Variants in UNC93A observed in about 807,000 individuals in gnomAD.
UNC93A encodes the protein unc-93 homolog A, also known as N-acetylglucosamine transporter UNC93A.
A neutral mutation model predicts 47.5 loss-of-function variants in UNC93A; 43 were observed. The ratio of observed to expected loss-of-function variants is 0.91; its 90% CI spans 0.71 to 1.17. The LOEUF (loss-of-function observed/expected upper bound fraction) is 1.17, where lower values mean the gene tolerates loss of function less well. UNC93A is among the 50% of genes most tolerant of loss of function. UNC93A has a pLI of 0.00. For missense variants in UNC93A, 605 were observed against 577.6 expected, an observed-to-expected ratio of 1.05 and a Z score of -0.49; for synonymous variants, 280 against 258.0, an observed-to-expected ratio of 1.09 and a Z score of -0.82.
chr6:167,306,165 G>C, intron 6 of UNC93A, 115 bp downstream of exon 6: 2 of 1,381,610 alleles, frequency 1.4e-6, no homozygotes, highest in Non-Finnish European at 2.0e-6. Flanking sequence ...TTTGAAATCA[G>C]TAACGCCCTG....
In UNC93A at chr6:167,276,786, G is replaced by T. The variant is rs1210192004; in HGVS notation, c.-52+5328G>T. 2.0e-5 allele frequency among the ~76,000 whole-genome samples: 3 copies of T among 152,196 alleles called. No homozygotes were observed. The East Asian group carries it at 5.8e-4, about 29-fold the overall frequency. ...AGCAAAAAAAATGTATTTATGGGTA[G>T]CATTCTTTAGAATTTAGGAAACCCC... On this transcript the variant is annotated intron_variant, in intron 1 of 3. Coordinates refer to the UNC93A transcript ENST00000503433.
upstream of UNC93A, among the ~76,000 whole-genome samples, chr6:167,288,972 A>C (rs1479208429): frequency 1.3e-5 from 2 of 152,296 alleles, no homozygotes; most frequent in Non-Finnish European, 2.9e-5. Context: ...CTCTTTTCTC[A>C]AGCTGATAGA....
intron 4 of UNC93A, among the ~76,000 whole-genome samples, chr6:167,298,823 T>G (rs910775190): frequency 4.6e-5 from 7 of 152,018 alleles, no homozygotes; most frequent in African/African-American, 1.7e-4. Flanking sequence ...TTTAAATATT[T>G]TTTTTTTTGG....
chr6:167,282,992 G>T (rs1186116718), intron 1 of UNC93A, among the ~76,000 whole-genome samples: 1 of 152,118 alleles, frequency 6.6e-6, no homozygotes, highest in Non-Finnish European at 1.5e-5. Context: ...GAAGACCAAG[G>T]TTTTATTATG....
At chr6:167,280,596 G>A (rs1348334221) in intron 1 of UNC93A, among the ~76,000 whole-genome samples, 1 of 152,138 alleles carries the variant, frequency 6.6e-6, no homozygotes, top group Admixed American at 6.5e-5. Context: ...CAGACAGAGA[G>A]CCCCGAGGCC....
chr6:167,273,975 G>A (rs1184722576), intron 1 of UNC93A, among the ~76,000 whole-genome samples: 2 of 152,116 alleles, frequency 1.3e-5, no homozygotes, highest in Non-Finnish European at 2.9e-5. Flanking sequence ...ACTTAGTGGA[G>A]TATTTCCTGG....
At chr6:167,272,298 G>A (rs1342941619) in intron 1 of UNC93A, among the ~76,000 whole-genome samples, 1 of 152,210 alleles carries the variant, frequency 6.6e-6, no homozygotes, top group Admixed American at 6.5e-5. Flanking sequence ...AGACGTGCAG[G>A]TGGCACAAAT....
chr6:167,307,562 C>T (rs966973234), intron 6 of UNC93A, among the ~76,000 whole-genome samples: 15 of 150,466 alleles, frequency 1.0e-4, no homozygotes, highest in Non-Finnish European at 1.9e-4. Context: ...ATGGTTGAGA[C>T]GGTTCCAGAG....
At chr6:167,279,945 C>T (rs1783604243) in intron 1 of UNC93A, among the ~76,000 whole-genome samples, 1 of 152,116 alleles carries the variant, frequency 6.6e-6, no homozygotes, top group Non-Finnish European at 1.5e-5. Flanking sequence ...CATGAATTAC[C>T]TAGAAAACAT....
At chr6:167,307,456 C>CAGTTCCAGAGGGTGGTTGAGAT (rs11270007) in intron 6 of UNC93A, among the ~76,000 whole-genome samples, 1 of 150,346 alleles carries the variant, frequency 6.7e-6, no homozygotes. Context: ...TTCCAGAGGA[C>CAGTTCCAGAGGGTGGTTGAGAT]GGTTCCAGAG....
At chr6:167,308,020 T>G in intron 7 of UNC93A, 110 bp downstream of exon 7, 3 of 1,464,360 alleles carry the variant, frequency 2.0e-6, no homozygotes, top group African/African-American at 2.8e-5. Context: ...GAGAGATGAG[T>G]TGGGAGAGAC....
chr6:167,278,012 G>A (rs903430050), intron 1 of UNC93A, among the ~76,000 whole-genome samples: 4 of 152,144 alleles, frequency 2.6e-5, no homozygotes, highest in Non-Finnish European at 5.9e-5. Context: ...TCTTCTTGAA[G>A]CATCCTCTAC....
At chr6:167,314,624 C>A (rs964664834) in intron 7 of UNC93A, among the ~76,000 whole-genome samples, 7 of 152,224 alleles carry the variant, frequency 4.6e-5, no homozygotes, top group African/African-American at 1.7e-4. Flanking sequence ...ACCAACGTGC[C>A]TCCCGTTCTA....
At position 167,305,934 on chromosome 6, in the gene UNC93A, TG is replaced by T. The variant is rs1778374206; in HGVS notation, c.863del (p.Gly288AlafsTer8). 6 of 1,614,050 alleles carry T rather than the reference TG, an allele frequency of 3.7e-6. No individual in the cohort carries two copies. The highest frequency in any genetic ancestry group is 1.3e-5 in the African/African-American group (1 of 74,914). On this transcript the variant is annotated frameshift_variant, in exon 6 of 8. Transcript: ENST00000230256. LOFTEE classifies it high-confidence loss of function. ...EYTRSYVTCT[L>X]GIQFVGYVMI... ...CCCCAGTCCTATGTCACCTGCACCCTGGGCATCCAGTTCGTCGGCTACGTGA... is the reference window on the plus strand; with the variant it reads ...CCCCAGTCCTATGTCACCTGCACCCTGGCATCCAGTTCGTCGGCTACGTGA...
intron 7 of UNC93A, among the ~76,000 whole-genome samples, chr6:167,312,584 C>A (rs918382686): frequency 6.6e-6 from 1 of 152,224 alleles, no homozygotes; most frequent in Non-Finnish European, 1.5e-5. Flanking sequence ...TGGTAAGACA[C>A]GGGGCTTATT....
upstream of UNC93A, among the ~76,000 whole-genome samples, chr6:167,286,547 A>G (rs7767893): frequency 0.019 from 2,925 of 152,322 alleles, 105 homozygotes; most frequent in African/African-American, 0.067. Flanking sequence ...CTTGGGGACA[A>G]AGTTCAAATT....
chr6:167,285,960 C>CTCTCTCTATA (rs534979428), intron 1 of UNC93A, among the ~76,000 whole-genome samples: 2 of 139,304 alleles, frequency 1.4e-5, no homozygotes, highest in African/African-American at 5.2e-5. Context: ...CTCTCTCTCT[C>CTCTCTCTATA]TATATATATA....
chr6:167,284,104 G>A (rs955769301), intron 1 of UNC93A, among the ~76,000 whole-genome samples: 2 of 152,124 alleles, frequency 1.3e-5, no homozygotes, highest in African/African-American at 4.8e-5. Flanking sequence ...ATGCTCTCTG[G>A]CTTCTGCTCA....
chr6:167,271,851 AG>A (rs1321153384), intron 1 of UNC93A, among the ~76,000 whole-genome samples: 1 of 152,170 alleles, frequency 6.6e-6, no homozygotes, highest in Non-Finnish European at 1.5e-5. Context: ...GACAAGACAA[AG>A]GAAAAGACCT....
Sources: gnomAD v4.1 joint callset for allele counts (sites outside exome capture counted in the v4.1 genomes callset) on GRCh38, gnomAD v4.1.1 for gene constraint, MANE v1.5 for transcripts, NCBI Gene and HGNC (gene_info 2026-07-23, HGNC 2026-07-21) for gene names.